The following GFRA1 variants were observed in gnomAD, a reference collection of about 807,000 sequenced individuals.
GFRA1 encodes the protein GDNF family receptor alpha-1.
A neutral mutation model predicts 51.6 loss-of-function variants in GFRA1; 16 were observed. The ratio of observed to expected loss-of-function variants is 0.31; its 90% CI spans 0.21 to 0.47. The LOEUF (loss-of-function observed/expected upper bound fraction) is 0.47. GFRA1 is among the 20% of genes least tolerant of loss of function. GFRA1 has a pLI of 1.00. For synonymous variants in GFRA1, 270 were observed against 241.3 expected (o/e 1.12, Z -1.10); for missense variants, 530 against 594.3 (o/e 0.89, Z 1.13).
At chr10:116,233,136 G>A (rs1247399094) in intron 4 of GFRA1, among the ~76,000 whole-genome samples, 2 of 149,024 alleles carry the variant, frequency 1.3e-5, no homozygotes, top group East Asian at 1.9e-4. Context: ...AGACCAGCCT[G>A]GTCAACATGG....
Position 116,114,152 on chromosome 10 carries a change from A to T in GFRA1, c.770+11069T>A, listed in dbSNP as rs944095307. 2.6e-5 allele frequency among the ~76,000 whole-genome samples: 4 copies of T among 152,270 alleles called. No homozygotes were observed. The East Asian group carries it at 7.7e-4, about 29-fold the overall frequency. On this transcript the variant is annotated intron_variant, in intron 6 of 10. Coordinates refer to ENST00000355422, the MANE Select transcript of GFRA1 (RefSeq NM_005264.8). ...TGGATCCCTCACATCACTGACTCAG[A>T]CATAAGCACCTCTGAGAGCCCCTTA...
At chr10:116,159,357 T>C (rs558258578) in intron 5 of GFRA1, among the ~76,000 whole-genome samples, 1 of 152,270 alleles carries the variant, frequency 6.6e-6, no homozygotes, top group South Asian at 2.1e-4. Context: ...TCATACTGGT[T>C]TCAAGAAAGC....
intron 5 of GFRA1, among the ~76,000 whole-genome samples, chr10:116,188,557 C>T (rs1345347128): frequency 6.6e-6 from 1 of 152,042 alleles, no homozygotes; most frequent in African/African-American, 2.4e-5. Context: ...GGCTGCACAA[C>T]AATGTGAATA....
At chr10:116,072,461 G>A (rs7912858) in intron 9 of GFRA1, among the ~76,000 whole-genome samples, 4,366 of 152,146 alleles carry the variant, frequency 0.029, 206 homozygotes, top group African/African-American at 0.1. Flanking sequence ...GATATGCCAC[G>A]GTAAAAAGAG....
chr10:116,196,192 TA>T (rs5788141), intron 5 of GFRA1, among the ~76,000 whole-genome samples: 6,861 of 143,862 alleles, frequency 0.048, 279 homozygotes, highest in African/African-American at 0.12. Flanking sequence ...TTTGATGTCT[TA>T]AAAAAAAAAA....
intron 4 of GFRA1, among the ~76,000 whole-genome samples, chr10:116,244,975 A>C (rs937579655): frequency 6.6e-6 from 1 of 152,228 alleles, no homozygotes; most frequent in Non-Finnish European, 1.5e-5. Context: ...AAAGCTAAAA[A>C]GAGAGCTTAA....
chr10:116,178,297 G>GC, intron 5 of GFRA1, among the ~76,000 whole-genome samples: 1 of 45,346 alleles, frequency 2.2e-5, no homozygotes. Context: ...CCCACAAGGG[G>GC]CCGGGGGGGC....
At chr10:116,180,249 G>C (rs1430070939) in intron 5 of GFRA1, among the ~76,000 whole-genome samples, 1 of 152,152 alleles carries the variant, frequency 6.6e-6, no homozygotes, top group African/African-American at 2.4e-5. Flanking sequence ...ATTGTAATAA[G>C]ACTCTGCAGC....
chr10:116,093,943 A>T lies in GFRA1; in HGVS notation c.881-107T>A. On this transcript the variant is annotated intron_variant, in intron 7 of 10. Coordinates refer to ENST00000355422, the MANE Select transcript of GFRA1 (RefSeq NM_005264.8). ...CGGCGGATGCACCGTGGATAATTACAGACATTGTATTTGCTGAGTGGGAAA... is the reference window on the plus strand; with the variant it reads ...CGGCGGATGCACCGTGGATAATTACTGACATTGTATTTGCTGAGTGGGAAA... The T allele has an allele frequency of 9.4e-6, 10 of 1,060,532 alleles. No individual in the cohort carries two copies. The South Asian group carries it at 1.3e-4, about 14-fold the overall frequency. The allele number at this position is 1,060,532 out of a possible 1,614,324, so 65.7% of individuals were successfully genotyped here.
chr10:116,157,166 C>T (rs961045635), intron 5 of GFRA1, among the ~76,000 whole-genome samples: 11 of 152,066 alleles, frequency 7.2e-5, no homozygotes, highest in African/African-American at 2.2e-4. Context: ...GCTCTCTGGG[C>T]GCCATTTGTG....
At chr10:116,201,987 G>A (rs1430473948) in intron 5 of GFRA1, among the ~76,000 whole-genome samples, 2 of 152,088 alleles carry the variant, frequency 1.3e-5, no homozygotes, top group Non-Finnish European at 2.9e-5. Context: ...TATCAAATAC[G>A]AACATACGAG....
At chr10:116,266,290 T>C (rs534241434) in intron 4 of GFRA1, among the ~76,000 whole-genome samples, 1 of 152,212 alleles carries the variant, frequency 6.6e-6, no homozygotes, top group Non-Finnish European at 1.5e-5. Context: ...TGCTACCATA[T>C]CTGTGAAAAG....
chr10:116,078,961 G>A (rs952605383), intron 9 of GFRA1, among the ~76,000 whole-genome samples: 3 of 151,868 alleles, frequency 2.0e-5, no homozygotes, highest in African/African-American at 7.3e-5. Flanking sequence ...AAGCTCCTCC[G>A]TCCTCAAAGC....
chr10:116,239,924 C>T (rs539045515), intron 4 of GFRA1, among the ~76,000 whole-genome samples: 1 of 152,234 alleles, frequency 6.6e-6, no homozygotes, highest in African/African-American at 2.4e-5. Context: ...AACATAGCTC[C>T]TTGTTACACC....
Position 116,084,761 on chromosome 10 carries a change from AACACACACACACACACACAC to A in GFRA1, c.1197+4960_1197+4979del, listed in dbSNP as rs5788130. Among the ~76,000 whole-genome samples the A allele has an allele frequency of 1.2e-3, 163 of 140,168 alleles. 1 individual carries two copies. The highest frequency in any genetic ancestry group is 1.4e-3 in the African/African-American group (52 of 38,040). 92.0% of individuals were successfully genotyped at this position (140,168 alleles called of 152,430 possible). A position where few individuals can be genotyped will look rare whatever the true frequency, so the allele number is the denominator to read the frequency against. On this transcript the variant is annotated intron_variant, in intron 9 of 10. Coordinates refer to ENST00000355422, the MANE Select transcript of GFRA1 (RefSeq NM_005264.8). The stretch of plus-strand genomic sequence containing the variant: ...CCAAAGATATTTACTTTAAATAAGT[AACACACACACACACACACAC>A]ACACACACACACACACACACACACA...
chr10:116,064,266 A>G lies in GFRA1; in HGVS notation c.*132T>C. The G allele has an allele frequency of 1.3e-6, 1 of 797,686 alleles. No individual in the cohort carries two copies. The highest frequency in any genetic ancestry group is 2.5e-5 in the Admixed American group (1 of 39,986). 49.4% of individuals were successfully genotyped at this position (797,686 alleles called of 1,614,324 possible). On this transcript the variant is annotated 3_prime_UTR_variant, in exon 11 of 11. Coordinates refer to ENST00000355422, the MANE Select transcript of GFRA1 (RefSeq NM_005264.8). ...AAGCTTTCTTAAAAGGAAAAAAAAA[A>G]AATGTTCCAGTTGAATGGAACTGTT...
intron 4 of GFRA1, among the ~76,000 whole-genome samples, chr10:116,246,614 A>G (rs1032019329): frequency 1.3e-5 from 2 of 152,236 alleles, no homozygotes; most frequent in Non-Finnish European, 2.9e-5. Context: ...GGACTATTAA[A>G]AGATATGCGT....
At chr10:116,207,460 G>C (rs1008981444) in intron 5 of GFRA1, among the ~76,000 whole-genome samples, 11 of 152,192 alleles carry the variant, frequency 7.2e-5, no homozygotes, top group African/African-American at 2.7e-4. Context: ...CTGCAGAGCT[G>C]GGGAGTAGCC....
chr10:116,227,620 C>T (rs1966391951), intron 4 of GFRA1, among the ~76,000 whole-genome samples: 1 of 152,206 alleles, frequency 6.6e-6, no homozygotes, highest in African/African-American at 2.4e-5. Context: ...TACTTTTGTT[C>T]AGCATCTCCA....
Sources: allele counts gnomAD v4.1 joint callset (sites outside exome capture counted in the v4.1 genomes callset), GRCh38; gene constraint gnomAD v4.1.1; transcripts MANE v1.5; gene names NCBI Gene and HGNC (gene_info 2026-07-23, HGNC 2026-07-21).